PGCKA1: variants seen among roughly 807,000 people sequenced by gnomAD.
PGCKA1 encodes the protein PDCD10 and GCKIII kinases-associated protein 1.
At chr4:37,558,295 A>G in the PGCKA1 span, among the ~76,000 whole-genome samples, 1 of 152,206 alleles carries the variant, frequency 6.6e-6, no homozygotes, top group African/African-American at 2.4e-5. Context: ...ATACAATTCT[A>G]AAACGAGTGT....
At chr4:37,547,117 A>G in the PGCKA1 span, among the ~76,000 whole-genome samples, 1 of 152,258 alleles carries the variant, frequency 6.6e-6, no homozygotes, top group East Asian at 1.9e-4. Context: ...GCGTGCCTTT[A>G]TCGGCACTTT....
chr4:37,536,077 G>A, the PGCKA1 span, among the ~76,000 whole-genome samples: 1 of 152,190 alleles, frequency 6.6e-6, no homozygotes, highest in African/African-American at 2.4e-5. Flanking sequence ...CAGATTCTGT[G>A]GTTGCAAAAC....
chr4:37,520,062 T>C, the PGCKA1 span, among the ~76,000 whole-genome samples: 2 of 152,336 alleles, frequency 1.3e-5, no homozygotes, highest in Non-Finnish European at 1.5e-5. Flanking sequence ...ATGTATCACA[T>C]TGGTTGATTT....
chr4:37,588,793 C>G, the PGCKA1 span: 1 of 1,296,900 alleles, frequency 7.7e-7, no homozygotes, highest in African/African-American at 1.5e-5. Flanking sequence ...AAACTTAATT[C>G]CTACTAATAT....
chr4:37,560,880 T>C, the PGCKA1 span, among the ~76,000 whole-genome samples: 5 of 152,338 alleles, frequency 3.3e-5, no homozygotes, highest in East Asian at 9.6e-4. Context: ...CCTTGGCTTA[T>C]AAAAGGTATT....
chr4:37,466,584 C>T, the PGCKA1 span, among the ~76,000 whole-genome samples: 1 of 152,090 alleles, frequency 6.6e-6, no homozygotes, highest in Non-Finnish European at 1.5e-5. Flanking sequence ...GGGACTATTG[C>T]AGAAGAAGAT....
the PGCKA1 span, chr4:37,588,832 G>T: frequency 1.4e-5 from 22 of 1,595,978 alleles, no homozygotes; most frequent in East Asian, 4.2e-4. Context: ...TACCTTTTAC[G>T]CTTTCTTTTC....
At chr4:37,471,553 A>G in the PGCKA1 span, among the ~76,000 whole-genome samples, 2 of 152,222 alleles carry the variant, frequency 1.3e-5, no homozygotes, top group African/African-American at 4.8e-5. Context: ...GTCAGGATAC[A>G]GAAGTGAACA....
At chr4:37,536,927 A>G in the PGCKA1 span, among the ~76,000 whole-genome samples, 1 of 152,220 alleles carries the variant, frequency 6.6e-6, no homozygotes, top group Non-Finnish European at 1.5e-5. Context: ...TCTTTTTGGT[A>G]ATACATGTAG....
At chr4:37,526,685 C>T in the PGCKA1 span, among the ~76,000 whole-genome samples, 1 of 152,138 alleles carries the variant, frequency 6.6e-6, no homozygotes, top group East Asian at 1.9e-4. Context: ...ACCTTACTCA[C>T]GTGTTTGTGA....
At chr4:37,455,528 A>C in the PGCKA1 span, among the ~76,000 whole-genome samples, 2 of 152,292 alleles carry the variant, frequency 1.3e-5, no homozygotes, top group Non-Finnish European at 2.9e-5. Flanking sequence ...TGCTCCGTGC[A>C]TTTATTCAGC....
the PGCKA1 span, chr4:37,590,549 C>T: frequency 1.2e-6 from 2 of 1,614,162 alleles, no homozygotes; most frequent in East Asian, 2.2e-5. Context: ...GACTCCAGAG[C>T]TCCTTCTGAG....
At chr4:37,560,375 AGCCCTGTT>A in the PGCKA1 span, among the ~76,000 whole-genome samples, 5,565 of 152,182 alleles carry the variant, frequency 0.037, 253 homozygotes, top group East Asian at 0.14. Flanking sequence ...TCAAGACCCA[AGCCCTGTT>A]GCCTTATACC....
At chr4:37,497,428 T>A in the PGCKA1 span, among the ~76,000 whole-genome samples, 2 of 152,058 alleles carry the variant, frequency 1.3e-5, no homozygotes, top group Non-Finnish European at 2.9e-5. Flanking sequence ...AATAATGACT[T>A]CTTTTCTACT....
the PGCKA1 span, among the ~76,000 whole-genome samples, chr4:37,552,071 T>A: frequency 6.6e-6 from 1 of 152,138 alleles, no homozygotes; most frequent in Non-Finnish European, 1.5e-5. Flanking sequence ...GGAAGTGAAA[T>A]CAAAGACAGG....
chr4:37,512,017 G>GT, the PGCKA1 span, among the ~76,000 whole-genome samples: 7 of 152,210 alleles, frequency 4.6e-5, no homozygotes, highest in Non-Finnish European at 1.0e-4. Flanking sequence ...TCTGACAGGA[G>GT]TGAGTTCAGT....
At chr4:37,474,877 TGATATAATTATGAA>T in the PGCKA1 span, among the ~76,000 whole-genome samples, 11 of 152,326 alleles carry the variant, frequency 7.2e-5, no homozygotes, top group African/African-American at 2.6e-4. Context: ...GTGGTATTAC[TGATATAATTATGAA>T]GATCAAGTGG....
chr4:37,568,880 A>T, the PGCKA1 span, among the ~76,000 whole-genome samples: 1 of 152,160 alleles, frequency 6.6e-6, no homozygotes, highest in Admixed American at 6.5e-5. Flanking sequence ...GAAACTGAGG[A>T]CTCAAGAGAT....
At chr4:37,584,423 G>A in the PGCKA1 span, 1 of 152,404 alleles carries the variant, frequency 6.6e-6, no homozygotes, top group South Asian at 2.1e-4. Context: ...CCCATGTGGT[G>A]TGCCCTAATG....
Sources: allele counts gnomAD v4.1 joint callset (sites outside exome capture counted in the v4.1 genomes callset), GRCh38; gene constraint gnomAD v4.1.1; transcripts MANE v1.5; gene names NCBI Gene and HGNC (gene_info 2026-07-23, HGNC 2026-07-21).